AGA: variants seen among roughly 807,000 people sequenced by gnomAD.
AGA encodes the protein N(4)-(beta-N-acetylglucosaminyl)-L-asparaginase.
AGA carries 31 observed loss-of-function variants against 40.1 expected under a neutral mutation model. That is an observed-to-expected ratio of 0.77 (90% CI 0.58 to 1.04). The LOEUF (loss-of-function observed/expected upper bound fraction) is 1.04. Among genes scored for constraint, AGA ranks in the 50% least tolerant of loss-of-function variants. The pLI is 0.00. For missense variants in AGA, 445 were observed against 435.4 expected, an observed-to-expected ratio of 1.02 and a Z score of -0.20; for synonymous variants, 148 against 144.0, an observed-to-expected ratio of 1.03 and a Z score of -0.20.
At chr4:177,436,386 A>G (rs879762179) in intron 5 of AGA, 35 bp from the exon 6 acceptor site, 4 of 1,561,860 alleles carry the variant, frequency 2.6e-6, no homozygotes, top group African/African-American at 2.7e-5. Flanking sequence ...CTGTAGGTGT[A>G]TAAAGTTTAC....
intron 7 of AGA, among the ~76,000 whole-genome samples, chr4:177,433,786 C>T (rs1398333924): frequency 6.6e-6 from 1 of 152,174 alleles, no homozygotes; most frequent in African/African-American, 2.4e-5. Flanking sequence ...AGCTCCTTTA[C>T]TCAGTAGCTT....
Position 177,442,437 on chromosome 4 carries a change from T to G in AGA, c.-62A>C, listed in dbSNP as rs765930286. 26 of 1,609,538 alleles carry G rather than the reference T, an allele frequency of 1.6e-5. No individual in the cohort carries two copies. Among genetic ancestry groups the G allele is most frequent in the Non-Finnish European group, 2.1e-5 (25 of 1,178,504 alleles). ...CGGCAGCCAGCGATCGCCGAACAAT[T>G]AATCCCCAGTGCCCCGCCCGCCTGG... On this transcript the variant is annotated 5_prime_UTR_variant, in exon 1 of 9. Coordinates refer to ENST00000264595, the MANE Select transcript of AGA (RefSeq NM_000027.4).
chr4:177,440,213 G>C (rs1430508160), intron 2 of AGA, 60 bp downstream of exon 2: 16 of 1,595,998 alleles, frequency 1.0e-5, no homozygotes, highest in Non-Finnish European at 1.3e-5. Flanking sequence ...CTTGCTCTCA[G>C]AAGACCACAA....
chr4:177,431,621 T>G lies in AGA; in HGVS notation c.*87A>C. Reference sequence around the variant, plus strand: ...TTTTACAAAAAGACTTTAGAACACATGAGGAACACTAGATGATGAGAGTGA... The same window carrying G: ...TTTTACAAAAAGACTTTAGAACACAGGAGGAACACTAGATGATGAGAGTGA... On this transcript the variant is annotated 3_prime_UTR_variant, in exon 9 of 9. Coordinates refer to ENST00000264595, the MANE Select transcript of AGA (RefSeq NM_000027.4). The G allele has an allele frequency of 9.1e-7, 1 of 1,096,598 alleles. No homozygotes were observed. The highest frequency in any genetic ancestry group is 1.4e-6 in the Non-Finnish European group (1 of 723,704). 67.9% of individuals were successfully genotyped at this position (1,096,598 alleles called of 1,614,324 possible). A position where few individuals can be genotyped will look rare whatever the true frequency, so the allele number is the denominator to read the frequency against.
At chr4:177,442,100 C>G in intron 1 of AGA, 149 bp downstream of exon 1, 1 of 1,192,462 alleles carries the variant, frequency 8.4e-7, no homozygotes. Context: ...GCTGGAGACT[C>G]GGGAAGACCT....
chr4:177,433,472 A>G (rs1215431585), intron 7 of AGA, 125 bp from the exon 8 acceptor site: 13 of 1,106,736 alleles, frequency 1.2e-5, no homozygotes, highest in Non-Finnish European at 1.6e-5. Context: ...ATAAATGAAC[A>G]AGAGTCGGTT....
chr4:177,440,781 C>T (rs1288857390), intron 1 of AGA, among the ~76,000 whole-genome samples: 3 of 152,022 alleles, frequency 2.0e-5, no homozygotes, highest in South Asian at 2.1e-4. Context: ...TCCACTAAAC[C>T]GCAGCCTTCT....
rs1231908404 is a variant in AGA, at chr4:177,431,421, C to T, written c.*287G>A. The T allele has an allele frequency of 2.2e-6, 1 of 453,376 alleles. No individual in the cohort carries two copies. The highest frequency in any genetic ancestry group is 2.0e-5 in the African/African-American group (1 of 49,820). The allele number at this position is 453,376 out of a possible 1,614,324, so 28.1% of individuals were successfully genotyped here. On this transcript the variant is annotated 3_prime_UTR_variant, in exon 9 of 9. Transcript: ENST00000264595. ...ACTGTGGAAATAAATCTCAAAGTAGCAATTTTTTGCAACACTGATCAGAAA... is the reference window on the plus strand; with the variant it reads ...ACTGTGGAAATAAATCTCAAAGTAGTAATTTTTTGCAACACTGATCAGAAA...
In AGA at chr4:177,440,651, G is replaced by GT. The variant is rs746624930; in HGVS notation, c.128-226dup. Among the ~76,000 whole-genome samples the GT allele has an allele frequency of 4.7e-3, 671 of 142,070 alleles. 6 individuals are homozygous for GT. The highest frequency in any genetic ancestry group is 0.014 in the South Asian group (61 of 4,390). The allele number at this position is 142,070 out of a possible 152,430, so 93.2% of individuals were successfully genotyped here. On this transcript the variant is annotated intron_variant, in intron 1 of 8. Coordinates refer to ENST00000264595, the MANE Select transcript of AGA (RefSeq NM_000027.4). ...AACTGGCTATTGGTGCAAGCTGAAG[G>GT]TTTTTTTTTTTTTCACTTACTAATA...
chr4:177,439,720 A>C lies in AGA; in HGVS notation c.282-32T>G, dbSNP rs1327754510. ...GAAAATAGAATGCAGTTAGGAATTA[A>C]GGAGTTTTCAGAGGTTCATAGATTA... On this transcript the variant is annotated intron_variant, in intron 2 of 8. Coordinates refer to ENST00000264595, the MANE Select transcript of AGA (RefSeq NM_000027.4). 6.7e-6 allele frequency: 10 copies of C among 1,481,574 alleles called. 1 individual carries two copies. The South Asian group carries it at 7.9e-5, about 12-fold the overall frequency. The allele number at this position is 1,481,574 out of a possible 1,614,324, so 91.8% of individuals were successfully genotyped here.
At position 177,440,330 on chromosome 4, in the gene AGA, A is replaced by C. The variant is rs757065230; in HGVS notation, c.224T>G (p.Phe75Cys). Residue 75 changes from phenylalanine (F) to cysteine (C), a missense_variant, in exon 2 of 9, where the codon TTT becomes TGT. Phe to Cys is a radical substitution (Grantham distance 205). Transcript: ENST00000264595. ...TCCAAGTTCATCAGGACTTCCTCCA[A>C]AGCCTACAGAGCCGTCACACTGCTC... ...EREQCDGSVGFGGSPDELGET... is the reference protein window; with the variant it reads ...EREQCDGSVGCGGSPDELGET... 3.0e-5 allele frequency: 48 copies of C among 1,614,044 alleles called. 1 individual carries two copies. Among genetic ancestry groups the C allele is most frequent in the Non-Finnish European group, 3.9e-5 (46 of 1,180,042 alleles).
intron 8 of AGA, among the ~76,000 whole-genome samples, chr4:177,432,619 T>C (rs1323177093): frequency 6.6e-6 from 1 of 152,190 alleles, no homozygotes; most frequent in African/African-American, 2.4e-5. Context: ...TATTGATCAG[T>C]AAGCTGTGTA....
In AGA at chr4:177,431,622, G is replaced by A. The variant is rs938644429; in HGVS notation, c.*86C>T. 3.6e-6 allele frequency: 4 copies of A among 1,108,452 alleles called. No homozygotes were observed. Among genetic ancestry groups the A allele is most frequent in the Non-Finnish European group, 5.4e-6 (4 of 734,278 alleles). 68.7% of individuals were successfully genotyped at this position (1,108,452 alleles called of 1,614,324 possible). On this transcript the variant is annotated 3_prime_UTR_variant, in exon 9 of 9. Transcript: ENST00000264595. ...TTTACAAAAAGACTTTAGAACACAT[G>A]AGGAACACTAGATGATGAGAGTGAG...
chr4:177,433,471 C>T, intron 7 of AGA, 124 bp from the exon 8 acceptor site: 1 of 1,116,436 alleles, frequency 9.0e-7, no homozygotes, highest in East Asian at 2.4e-5. Context: ...CATAAATGAA[C>T]AAGAGTCGGT....
Position 177,433,358 on chromosome 4 carries a change from CAG to C in AGA, c.807-13_807-12del. On this transcript the variant is annotated splice_polypyrimidine_tract_variant and intron_variant, in intron 7 of 8. Transcript: ENST00000264595. ...TCTACAGCTTGGTAGCTGATTGAAA[CAG>C]AGGTGAAACCTTAGTGTCTCAGAAT... 6.2e-7 allele frequency: 1 copy of C among 1,613,964 alleles called. No homozygotes were observed. Among genetic ancestry groups the C allele is most frequent in the African/African-American group, 1.3e-5 (1 of 75,046 alleles).
At chr4:177,434,546 C>T in intron 6 of AGA, 57 bp from the exon 7 acceptor site, 1 of 1,404,498 alleles carries the variant, frequency 7.1e-7, no homozygotes, top group East Asian at 2.3e-5. Context: ...CACATTAAGT[C>T]ATAAGCTGTT....
chr4:177,437,591 C>T (rs1367302954), intron 4 of AGA, 72 bp from the exon 5 acceptor site: 7 of 1,045,342 alleles, frequency 6.7e-6, no homozygotes, highest in African/African-American at 4.7e-5. Flanking sequence ...TATGTACAAT[C>T]GCTAAACACT....
intron 4 of AGA, 22 bp from the exon 5 acceptor site, chr4:177,437,541 T>C (rs1560948806): frequency 6.5e-7 from 1 of 1,536,220 alleles, no homozygotes; most frequent in East Asian, 2.3e-5. Context: ...ATTTAAGTTT[T>C]ATTTCTTACA....
chr4:177,434,254 C>T (rs1048543807), intron 7 of AGA, 128 bp downstream of exon 7: 19 of 845,318 alleles, frequency 2.2e-5, no homozygotes, highest in South Asian at 1.8e-4. Flanking sequence ...CCACCTGCCT[C>T]AGTCTCCCAA....
Sources: allele counts gnomAD v4.1 joint callset (sites outside exome capture counted in the v4.1 genomes callset), GRCh38; gene constraint gnomAD v4.1.1; transcripts MANE v1.5; gene names NCBI Gene and HGNC (gene_info 2026-07-23, HGNC 2026-07-21).